Variants in COMMD1 observed in about 807,000 individuals in gnomAD.
COMMD1 encodes COMM domain-containing protein 1.
Under a neutral mutation model 17.2 loss-of-function variants are expected in COMMD1, and 10 were observed. That is an observed-to-expected ratio of 0.58 (90% CI 0.36 to 0.99). COMMD1 has a LOEUF of 0.99. Ranked by LOEUF, COMMD1 falls within the 50% of genes least tolerant of loss-of-function variation. The pLI is 0.01. For synonymous variants in COMMD1, 97 were observed against 91.6 expected (o/e 1.06, Z -0.34); for missense variants, 270 against 231.8 (o/e 1.17, Z -1.07).
At chr2:62,001,765 A>G (rs1402087214) in intron 2 of COMMD1, among the ~76,000 whole-genome samples, 1 of 152,234 alleles carries the variant, frequency 6.6e-6, no homozygotes, top group Non-Finnish European at 1.5e-5. Flanking sequence ...TTACTTGATG[A>G]GCTGTCAGAT....
At chr2:62,067,384 GTTTGC>G (rs1671083023) in intron 2 of COMMD1, among the ~76,000 whole-genome samples, 1 of 152,118 alleles carries the variant, frequency 6.6e-6, no homozygotes, top group African/African-American at 2.4e-5. Flanking sequence ...GTATTTTCCT[GTTTGC>G]TTACTTGATC....
chr2:62,101,948 C>A (rs1328287186), intron 2 of COMMD1, among the ~76,000 whole-genome samples: 1 of 152,134 alleles, frequency 6.6e-6, no homozygotes, highest in African/African-American at 2.4e-5. Flanking sequence ...CCTCTCCTCT[C>A]CCTGAAGGTC....
chr2:62,069,792 A>G (rs1319615403), intron 2 of COMMD1: 1 of 152,206 alleles, frequency 6.6e-6, no homozygotes, highest in Non-Finnish European at 1.5e-5. Context: ...TCCTAAAATT[A>G]TCACTTGTGG....
At chr2:61,990,060 G>T (rs979984825) in intron 1 of COMMD1, among the ~76,000 whole-genome samples, 2 of 152,198 alleles carry the variant, frequency 1.3e-5, no homozygotes, top group African/African-American at 4.8e-5. Flanking sequence ...ACAAGGTAAG[G>T]CGATAAAGGA....
Position 61,954,740 on chromosome 2 carries a change from G to A in COMMD1, c.181-45961G>A, listed in dbSNP as rs376675765. On this transcript the variant is annotated intron_variant, in intron 1 of 2. Transcript: ENST00000311832. ...TCTCTTGCCCAGGCTAGAGTGCAAT[G>A]GCACGATCTTGGCTCATTGCAGCCT... Among the ~76,000 whole-genome samples, 5 of 151,830 alleles carry A rather than the reference G, an allele frequency of 3.3e-5. No homozygotes were observed. The South Asian group carries it at 1.0e-3, about 31-fold the overall frequency.
At chr2:62,123,572 AAAGG>A (rs1196122058) in intron 2 of COMMD1, among the ~76,000 whole-genome samples, 1 of 151,406 alleles carries the variant, frequency 6.6e-6, no homozygotes, top group Non-Finnish European at 1.5e-5. Flanking sequence ...AAGGAAGGAG[AAAGG>A]AAGGAAGGCA....
chr2:61,894,862 C>T (rs189287338), intron 1 of COMMD1, among the ~76,000 whole-genome samples: 11 of 151,998 alleles, frequency 7.2e-5, no homozygotes, highest in Admixed American at 7.2e-4. Context: ...CCACGCCCAG[C>T]TAATTTTGTA....
intron 1 of COMMD1, among the ~76,000 whole-genome samples, chr2:61,964,577 G>A (rs1021080217): frequency 6.6e-6 from 1 of 151,566 alleles, no homozygotes; most frequent in Non-Finnish European, 1.5e-5. Context: ...GCTAACGCCT[G>A]TAATCCCAGC....
chr2:61,956,754 G>C (rs1053235331), intron 1 of COMMD1, among the ~76,000 whole-genome samples: 21 of 149,770 alleles, frequency 1.4e-4, no homozygotes, highest in African/African-American at 4.9e-4. Flanking sequence ...TTTTTTGTTT[G>C]TTTGTTTTGT....
intron 1 of COMMD1, among the ~76,000 whole-genome samples, chr2:61,889,240 TCTG>T (rs1350408038): frequency 3.4e-4 from 39 of 115,480 alleles, no homozygotes; most frequent in Non-Finnish European, 6.0e-4. Flanking sequence ...AGAGTCTCGC[TCTG>T]TCGTCCAGGC....
chr2:61,955,564 G>A (rs1671176403), intron 1 of COMMD1, among the ~76,000 whole-genome samples: 1 of 152,044 alleles, frequency 6.6e-6, no homozygotes, highest in African/African-American at 2.4e-5. Context: ...CTTTCAAAGA[G>A]TTCTCTTCTG....
intron 1 of COMMD1, among the ~76,000 whole-genome samples, chr2:61,991,192 C>A (rs752788713): frequency 1.6e-4 from 24 of 152,050 alleles, no homozygotes; most frequent in Non-Finnish European, 2.1e-4. Context: ...TGGCTCTGAG[C>A]CCCTTGCTAA....
chr2:62,112,357 G>C (rs1672477667), intron 2 of COMMD1, among the ~76,000 whole-genome samples: 1 of 152,218 alleles, frequency 6.6e-6, no homozygotes, highest in East Asian at 1.9e-4. Context: ...TTTGGGGCTT[G>C]TCATAGCCTG....
chr2:62,004,993 A>G (rs1669071321), intron 2 of COMMD1, among the ~76,000 whole-genome samples: 1 of 152,218 alleles, frequency 6.6e-6, no homozygotes, highest in Non-Finnish European at 1.5e-5. Flanking sequence ...CAACTAAAGT[A>G]CTGTCTTCAG....
upstream of COMMD1, among the ~76,000 whole-genome samples, chr2:61,905,098 G>C (rs148411911): frequency 6.6e-6 from 1 of 152,150 alleles, no homozygotes; most frequent in African/African-American, 2.4e-5. Context: ...TTCATTTCAG[G>C]ATAGTAAATA....
rs193266880 is a variant in COMMD1 at position 62,121,661 on chromosome 2, C to T, written c.463-14170C>T. Among the ~76,000 whole-genome samples the T allele has an allele frequency of 1.1e-4, 16 of 148,718 alleles. No homozygotes were observed. The South Asian group carries it at 2.3e-3, about 22-fold the overall frequency. On this transcript the variant is annotated intron_variant, in intron 2 of 2. Transcript: ENST00000311832. ...GCTGAGGTAGGAGAATTGCTGGAAC[C>T]GGGGAGGTGGAGGTTGTAGTGAGCT... is the stretch of plus-strand genomic sequence containing the variant.
At chr2:62,121,885 G>A (rs151121809) in intron 2 of COMMD1, among the ~76,000 whole-genome samples, 24 of 152,230 alleles carry the variant, frequency 1.6e-4, no homozygotes, top group African/African-American at 4.1e-4. Flanking sequence ...TCTATCTCCC[G>A]GGCTCAGGTG....
intron 2 of COMMD1, among the ~76,000 whole-genome samples, chr2:62,084,158 A>G (rs1479649056): frequency 6.6e-6 from 1 of 152,176 alleles, no homozygotes; most frequent in Non-Finnish European, 1.5e-5. Flanking sequence ...TTCTCAATTC[A>G]TTATTAAATA....
intron 2 of COMMD1, among the ~76,000 whole-genome samples, chr2:62,038,144 C>T (rs536614728): frequency 5.9e-5 from 9 of 152,108 alleles, no homozygotes; most frequent in African/African-American, 2.2e-4. Context: ...CAAAACTAGT[C>T]GGGCGTGGTG....
Sources: gnomAD v4.1 joint callset for allele counts (sites outside exome capture counted in the v4.1 genomes callset) on GRCh38, gnomAD v4.1.1 for gene constraint, MANE v1.5 for transcripts, NCBI Gene and HGNC (gene_info 2026-07-23, HGNC 2026-07-21) for gene names.